CDH18: variants seen among roughly 807,000 people sequenced by gnomAD.
The protein encoded by CDH18 is cadherin-18.
Under a neutral mutation model 67.9 loss-of-function variants are expected in CDH18, and 31 were observed. That is an observed-to-expected ratio of 0.46 (90% CI 0.34 to 0.62). CDH18 has a LOEUF of 0.62. Among genes scored for constraint, CDH18 ranks in the 20% least tolerant of loss-of-function variants. The probability of loss-of-function intolerance (pLI) is 0.01; values close to 1 mark genes in which losing one functional copy is unlikely to be tolerated. For missense variants in CDH18, 890 were observed against 975.5 expected (o/e 0.91, Z 1.17); for synonymous variants, 362 against 347.2 (o/e 1.04, Z -0.48).
At chr5:19,581,768 T>C (rs564471897) in intron 7 of CDH18, among the ~76,000 whole-genome samples, 77 of 152,174 alleles carry the variant, frequency 5.1e-4, no homozygotes, top group African/African-American at 1.8e-3. Flanking sequence ...TCATTATTAA[T>C]TTTTTGTTTT....
rs531385378 is a variant in CDH18, at chr5:19,624,530, T to G, written c.644-11929A>C. 1.1e-4 allele frequency among the ~76,000 whole-genome samples: 16 copies of G among 152,318 alleles called. No individual in the cohort carries two copies. In the East Asian group the frequency reaches 2.7e-3, roughly 26 times the overall value. On this transcript the variant is annotated intron_variant, in intron 5 of 12. Transcript: ENST00000382275. ...CAGAGATATGTATATGCTTTTTTCC[T>G]TTAGCATATAGTTTTAAGTAGAGTC...
At chr5:20,510,679 A>T (rs1754977960) in intron 1 of CDH18, among the ~76,000 whole-genome samples, 1 of 152,166 alleles carries the variant, frequency 6.6e-6, no homozygotes, top group Admixed American at 6.6e-5. Flanking sequence ...TAAATTAAAC[A>T]TAATTTCCAT....
At chr5:19,621,097 G>C (rs1018719300) in intron 5 of CDH18, among the ~76,000 whole-genome samples, 1 of 152,026 alleles carries the variant, frequency 6.6e-6, no homozygotes, top group African/African-American at 2.4e-5. Flanking sequence ...AATATCATTA[G>C]ATAGCACAGG....
chr5:19,583,070 T>C (rs1306517623), intron 7 of CDH18, among the ~76,000 whole-genome samples: 1 of 152,012 alleles, frequency 6.6e-6, no homozygotes, highest in Non-Finnish European at 1.5e-5. Flanking sequence ...TTTGATAATA[T>C]TTTACCCATG....
chr5:20,332,696 C>A (rs1481341024), intron 1 of CDH18, among the ~76,000 whole-genome samples: 3 of 152,144 alleles, frequency 2.0e-5, no homozygotes, highest in Non-Finnish European at 4.4e-5. Flanking sequence ...CAAAACAATT[C>A]TAATATTAAA....
At chr5:20,101,042 T>A (rs1015346410) in intron 2 of CDH18, among the ~76,000 whole-genome samples, 2 of 152,076 alleles carry the variant, frequency 1.3e-5, no homozygotes, top group Non-Finnish European at 2.9e-5. Flanking sequence ...AGCCTCAACC[T>A]CTGGGCTCAA....
intron 3 of CDH18, among the ~76,000 whole-genome samples, chr5:19,818,002 A>C (rs2149929846): frequency 6.6e-6 from 1 of 152,216 alleles, no homozygotes; most frequent in Middle Eastern, 3.4e-3. Flanking sequence ...ACAAAATATT[A>C]TTTTCTTTCC....
At chr5:19,581,186 T>C (rs1743193719) in intron 7 of CDH18, among the ~76,000 whole-genome samples, 1 of 152,020 alleles carries the variant, frequency 6.6e-6, no homozygotes, top group Admixed American at 6.6e-5. Flanking sequence ...CTCTATATCC[T>C]AATTTAACAG....
intron 2 of CDH18, among the ~76,000 whole-genome samples, chr5:19,958,379 C>CAAAAAAAAAAAAA (rs57913629): frequency 1.5e-5 from 1 of 66,644 alleles, no homozygotes; most frequent in Non-Finnish European, 2.9e-5. Context: ...TTTCCTTCAC[C>CAAAAAAAAAAAAA]AAAAAAAAAA....
chr5:20,378,034 C>A (rs1743604245), intron 1 of CDH18, among the ~76,000 whole-genome samples: 1 of 152,150 alleles, frequency 6.6e-6, no homozygotes. Context: ...GTTGAAGTGT[C>A]ATCTGATCAT....
Position 19,492,055 on chromosome 5 carries a change from G to C in CDH18, c.1631-8503C>G, listed in dbSNP as rs1741562997. Among the ~76,000 whole-genome samples the C allele has an allele frequency of 2.6e-5, 4 of 151,750 alleles. No homozygotes were observed. In the South Asian group the frequency reaches 8.3e-4, roughly 31 times the overall value. Reference sequence around the variant, plus strand: ...ACCGATGTGAGTAGTAGATATTCCTGATAGCAAATCATCAAAAAAAAATAA... The same window carrying C: ...ACCGATGTGAGTAGTAGATATTCCTCATAGCAAATCATCAAAAAAAAATAA... On this transcript the variant is annotated intron_variant, in intron 11 of 12. Transcript: ENST00000382275.
At chr5:19,560,930 G>A (rs1010105266) in intron 8 of CDH18, among the ~76,000 whole-genome samples, 2 of 152,086 alleles carry the variant, frequency 1.3e-5, no homozygotes, top group African/African-American at 4.8e-5. Flanking sequence ...CGAATTATCA[G>A]GGAACTGCAA....
intron 1 of CDH18, among the ~76,000 whole-genome samples, chr5:20,493,493 T>C (rs1259423518): frequency 6.6e-6 from 1 of 151,364 alleles, no homozygotes; most frequent in Non-Finnish European, 1.5e-5. Flanking sequence ...CAGAGCTTGC[T>C]ATAGGAAGGG....
intron 2 of CDH18, among the ~76,000 whole-genome samples, chr5:20,133,673 T>C (rs1019597119): frequency 2.6e-5 from 4 of 152,112 alleles, no homozygotes; most frequent in African/African-American, 9.7e-5. Flanking sequence ...TCATTCTTTA[T>C]ATTCTATATA....
chr5:19,827,740 G>A (rs1327531510), intron 3 of CDH18, among the ~76,000 whole-genome samples: 1 of 152,112 alleles, frequency 6.6e-6, no homozygotes, highest in Admixed American at 6.6e-5. Context: ...ATCTAAAGCA[G>A]TATTAAGAGA....
At chr5:20,187,298 C>A (rs1009900202) in intron 2 of CDH18, among the ~76,000 whole-genome samples, 8 of 151,574 alleles carry the variant, frequency 5.3e-5, no homozygotes, top group Non-Finnish European at 7.4e-5. Context: ...GTATATTTTA[C>A]AAGAATAAGA....
intron 9 of CDH18, among the ~76,000 whole-genome samples, chr5:19,539,347 C>G (rs561938898): frequency 2.6e-5 from 4 of 151,906 alleles, no homozygotes; most frequent in Non-Finnish European, 4.4e-5. Context: ...TATATTTTAC[C>G]AAGTAAATAT....
At chr5:20,225,395 G>C (rs2126471551) in intron 2 of CDH18, among the ~76,000 whole-genome samples, 1 of 152,098 alleles carries the variant, frequency 6.6e-6, no homozygotes, top group Non-Finnish European at 1.5e-5. Context: ...ATGCATAAAG[G>C]ATCAACTTTC....
rs893524446 is a variant in CDH18, at chr5:20,509,460, T to G, written c.-580+66002A>C. Among the ~76,000 whole-genome samples, 20 of 150,570 alleles carry G rather than the reference T, an allele frequency of 1.3e-4. No individual in the cohort carries two copies. In the South Asian group the frequency reaches 2.1e-3, roughly 16 times the overall value. ...ATTCTGTCACCAGGCTGGAGTGCAG[T>G]GGCACGATCTTCACTCACTGTAATC... is the stretch of plus-strand genomic sequence containing the variant. On this transcript the variant is annotated intron_variant, in intron 1 of 14. Coordinates refer to the CDH18 transcript ENST00000507958.
Sources: gnomAD v4.1 joint callset for allele counts (sites outside exome capture counted in the v4.1 genomes callset) on GRCh38, gnomAD v4.1.1 for gene constraint, MANE v1.5 for transcripts, NCBI Gene and HGNC (gene_info 2026-07-23, HGNC 2026-07-21) for gene names.